The following CHM variants were observed in gnomAD, a reference collection of about 807,000 sequenced individuals.
CHM encodes the protein rab proteins geranylgeranyltransferase component A 1.
CHM carries 10 observed loss-of-function variants against 49.0 expected under a neutral mutation model. The ratio of observed to expected loss-of-function variants is 0.20; its 90% CI spans 0.13 to 0.35. The LOEUF (loss-of-function observed/expected upper bound fraction) is 0.35. Ranked by LOEUF, CHM falls within the 10% of genes least tolerant of loss-of-function variation. CHM has a pLI of 1.00. For synonymous variants in CHM, 184 were observed against 167.5 expected (o/e 1.10, Z -0.76); for missense variants, 455 against 478.4 (o/e 0.95, Z 0.46).
chrX:85,971,921 C>T (rs377248432), intron 4 of CHM, among the ~76,000 whole-genome samples: 35 of 109,869 alleles, frequency 3.2e-4, no homozygotes, highest in South Asian at 2.1e-3. Context: ...AAACCTTGAG[C>T]GAAACACAGG....
intron 8 of CHM, among the ~76,000 whole-genome samples, chrX:85,929,900 G>A (rs1405120621): frequency 1.8e-5 from 2 of 109,971 alleles, no homozygotes; most frequent in Non-Finnish European, 3.8e-5. Flanking sequence ...TCAGGAGTTC[G>A]AGACCAGCCT....
At chrX:85,956,661 G>C (rs1431659865) in intron 7 of CHM, among the ~76,000 whole-genome samples, 1 of 111,440 alleles carries the variant, frequency 9.0e-6, no homozygotes, top group Non-Finnish European at 1.9e-5. Flanking sequence ...GGTTGTCATA[G>C]TTGGCAATAA....
intron 12 of CHM, among the ~76,000 whole-genome samples, chrX:85,881,985 G>A (rs891268146): frequency 1.8e-5 from 2 of 111,195 alleles, no homozygotes; most frequent in African/African-American, 6.5e-5. Flanking sequence ...TTTTTAAATG[G>A]GTGATGGGTA....
At chrX:86,014,963 T>C (rs1359346284) in intron 2 of CHM, among the ~76,000 whole-genome samples, 1 of 112,053 alleles carries the variant, frequency 8.9e-6, no homozygotes, top group East Asian at 2.8e-4. Flanking sequence ...ACCAAAATGC[T>C]ACATAACAAA....
At chrX:86,035,411 A>G (rs1245884547) in intron 1 of CHM, among the ~76,000 whole-genome samples, 2 of 112,083 alleles carry the variant, frequency 1.8e-5, no homozygotes, top group Non-Finnish European at 3.8e-5. Context: ...AGAGAACAAC[A>G]TGAATCAAAA....
intron 8 of CHM, among the ~76,000 whole-genome samples, chrX:85,947,282 G>A (rs1281541862): frequency 8.9e-6 from 1 of 112,128 alleles, no homozygotes; most frequent in African/African-American, 3.2e-5. Context: ...GTAGTTCCCA[G>A]TATTGGAGGT....
chrX:86,034,480 T>A (rs1253402413), intron 1 of CHM, among the ~76,000 whole-genome samples: 1 of 111,828 alleles, frequency 8.9e-6, no homozygotes, highest in East Asian at 2.8e-4. Context: ...AACACCCACA[T>A]GGTATTAGAA....
chrX:85,905,986 G>A (rs115128979), intron 9 of CHM, among the ~76,000 whole-genome samples: 3,548 of 111,845 alleles, frequency 0.032, 139 homozygotes, highest in African/African-American at 0.11. Flanking sequence ...TAGTTGTTCT[G>A]TAATGTCCCC....
intron 12 of CHM, among the ~76,000 whole-genome samples, chrX:85,881,238 T>C (rs963437300): frequency 8.9e-6 from 1 of 111,979 alleles, no homozygotes; most frequent in Non-Finnish European, 1.9e-5. Flanking sequence ...GTTTCTTGTA[T>C]AAAATTTGGG....
chrX:86,005,967 G>A (rs984072052), intron 2 of CHM, among the ~76,000 whole-genome samples: 2 of 111,376 alleles, frequency 1.8e-5, no homozygotes, highest in Non-Finnish European at 3.8e-5. Flanking sequence ...CAAGAAAAGA[G>A]AATATTAAAC....
At chrX:85,972,673 C>T (rs753681052) in intron 4 of CHM, among the ~76,000 whole-genome samples, 2 of 112,842 alleles carry the variant, frequency 1.8e-5, no homozygotes, top group Non-Finnish European at 3.8e-5. Context: ...GCCAAGCCCA[C>T]GCCCACCCGG....
At chrX:85,900,105 A>C (rs1926160773) in intron 11 of CHM, among the ~76,000 whole-genome samples, 1 of 111,845 alleles carries the variant, frequency 8.9e-6, no homozygotes, top group African/African-American at 3.2e-5. Context: ...GAAACAACCT[A>C]AGTGTTCATC....
chrX:86,015,616 T>G (rs1933263768), intron 2 of CHM, among the ~76,000 whole-genome samples: 1 of 111,763 alleles, frequency 8.9e-6, no homozygotes, highest in African/African-American at 3.3e-5. Context: ...ATGACTTTGA[T>G]CAAAAGCCTG....
At chrX:85,951,949 T>C (rs1216960394) in intron 8 of CHM, among the ~76,000 whole-genome samples, 2 of 111,847 alleles carry the variant, frequency 1.8e-5, no homozygotes, top group African/African-American at 3.3e-5. Context: ...AGCATTGAAC[T>C]TGGTGCTGCC....
intron 2 of CHM, among the ~76,000 whole-genome samples, chrX:86,011,849 G>C (rs929802889): frequency 9.0e-6 from 1 of 111,188 alleles, no homozygotes; most frequent in African/African-American, 3.3e-5. Context: ...GTTGGAGGAA[G>C]GGCCATGAGC....
intron 8 of CHM, among the ~76,000 whole-genome samples, chrX:85,933,999 G>C (rs1292310608): frequency 3.3e-5 from 3 of 89,927 alleles, no homozygotes; most frequent in African/African-American, 1.3e-4. Flanking sequence ...TTTTTTCTTT[G>C]AGACGGAGTC....
At chrX:85,908,023 A>G (rs1298951060) in intron 9 of CHM, among the ~76,000 whole-genome samples, 1 of 111,604 alleles carries the variant, frequency 9.0e-6, no homozygotes, top group Non-Finnish European at 1.9e-5. Flanking sequence ...ACTTTGACTC[A>G]AAGTATAAGT....
chrX:86,042,310 C>T (rs1342949289), intron 1 of CHM, among the ~76,000 whole-genome samples: 1 of 111,240 alleles, frequency 9.0e-6, no homozygotes, highest in Non-Finnish European at 1.9e-5. Context: ...TCCTGTGTTG[C>T]CATAAAGGAA....
intron 8 of CHM, among the ~76,000 whole-genome samples, chrX:85,931,848 A>G (rs191659854): frequency 8.0e-5 from 9 of 112,523 alleles, no homozygotes; most frequent in African/African-American, 2.3e-4. Context: ...TGATTATTTA[A>G]GTATTCAATT....
Sources: gnomAD v4.1 joint callset for allele counts (sites outside exome capture counted in the v4.1 genomes callset) on GRCh38, gnomAD v4.1.1 for gene constraint, MANE v1.5 for transcripts, NCBI Gene and HGNC (gene_info 2026-07-23, HGNC 2026-07-21) for gene names.